HGS: variants seen among roughly 807,000 people sequenced by gnomAD.
The protein encoded by HGS is human growth factor-regulated tyrosine kinase substrate.
HGS carries 63 observed loss-of-function variants against 109.7 expected under a neutral mutation model. That is an observed-to-expected ratio of 0.57 (90% confidence interval 0.47 to 0.71). HGS has a LOEUF of 0.71. HGS is among the 30% of genes least tolerant of loss of function. HGS has a pLI of 0.00. For synonymous variants in HGS, 546 were observed against 437.3 expected, an observed-to-expected ratio of 1.25 and a Z score of -3.10; for missense variants, 995 against 1,068.3, an observed-to-expected ratio of 0.93 and a Z score of 0.96.
chr17:81,701,177 C>G (rs2037231827), intron 21 of HGS, 46 bp downstream of exon 21: 2 of 1,535,254 alleles, frequency 1.3e-6, no homozygotes, highest in East Asian at 4.5e-5. Context: ...AGGGCACCCT[C>G]AGGCTTCACG....
intron 5 of HGS, 92 bp from the exon 6 acceptor site, chr17:81,690,090 C>A: frequency 7.2e-7 from 1 of 1,396,834 alleles, no homozygotes; most frequent in Non-Finnish European, 1.0e-6. Flanking sequence ...ACGGTCACTG[C>A]TGCGTTGCAG....
Position 81,685,615 on chromosome 17 carries a change from C to T in HGS, c.48C>T (p.Thr16=). 1.2e-6 allele frequency: 2 copies of T among 1,609,318 alleles called. No homozygotes were observed. The highest frequency in any genetic ancestry group is 8.5e-7 in the Non-Finnish European group (1 of 1,177,858). Residue 16 remains threonine, a synonymous_variant, in exon 2 of 22, where the codon ACC becomes ACT. Transcript: ENST00000329138. ...CATTTTCTCTCTCAGACAAGGCGAC[C>T]AGCCAGCTCCTGTTGGAGACAGATT... ...GTFERLLDKA[T]SQLLLETDWE... is the part of the protein sequence containing the mutation.
chr17:81,685,396 G>A lies in HGS; in HGVS notation c.38-209G>A, dbSNP rs372101083. 1.6e-3 allele frequency among the ~76,000 whole-genome samples: 246 copies of A among 152,314 alleles called. 1 individual carries two copies. Among genetic ancestry groups the A allele is most frequent in the African/African-American group, 5.7e-3 (235 of 41,572 alleles). On this transcript the variant is annotated intron_variant, in intron 1 of 21. Coordinates refer to ENST00000329138, the MANE Select transcript of HGS (RefSeq NM_004712.5). ...GTGGGAGGGCTTGGACCAGCACCTG[G>A]TGTGCTCTTACGCTGTTTGCTGCTT...
At chr17:81,695,628 G>A (rs932279114) in intron 14 of HGS, 158 bp from the exon 15 acceptor site, 11 of 678,284 alleles carry the variant, frequency 1.6e-5, no homozygotes, top group Middle Eastern at 4.0e-4. Context: ...CCGCCTCCAG[G>A]GCCTCGCCTT....
Position 81,690,680 on chromosome 17 carries a change from G to A in HGS, c.475G>A (p.Asp159Asn). The change falls in exon 7 of 22, where the codon GAC becomes AAC. Residue 159 changes from aspartate to asparagine, a missense_variant. This residue lies in a region of HGS where 182 missense variants were observed against 261.3 expected (regional missense o/e 0.70). Coordinates refer to ENST00000329138, the MANE Select transcript of HGS (RefSeq NM_004712.5). ...GACTGCTGCCCCTCCTCAGGCCCCAGACTGGGTGGACGCTGAGGAATGCCA... is the reference window on the plus strand; with the variant it reads ...GACTGCTGCCCCTCCTCAGGCCCCAAACTGGGTGGACGCTGAGGAATGCCA... ...DAMFAAERAP[D>N]WVDAEECHRC... is the part of the protein sequence containing the mutation. 6.2e-7 allele frequency: 1 copy of A among 1,612,858 alleles called. No homozygotes were observed. The highest frequency in any genetic ancestry group is 8.5e-7 in the Non-Finnish European group (1 of 1,179,682).
At position 81,690,659 on chromosome 17, in the gene HGS, G is replaced by A. The variant is rs1441668870; in HGVS notation, c.469-15G>A. The A allele has an allele frequency of 6.2e-7, 1 of 1,609,776 alleles. No homozygotes were observed. The highest frequency in any genetic ancestry group is 1.3e-5 in the African/African-American group (1 of 74,978). Reference sequence around the variant, plus strand: ...GGGCGGGAAGCGTGTGGTCCTGACTGCTGCCCCTCCTCAGGCCCCAGACTG... The same window carrying A: ...GGGCGGGAAGCGTGTGGTCCTGACTACTGCCCCTCCTCAGGCCCCAGACTG... On this transcript the variant is annotated splice_polypyrimidine_tract_variant and intron_variant, in intron 6 of 21. Coordinates refer to ENST00000329138, the MANE Select transcript of HGS (RefSeq NM_004712.5).
At chr17:81,689,929 G>A (rs888328734) in intron 5 of HGS, among the ~76,000 whole-genome samples, 2 of 152,220 alleles carry the variant, frequency 1.3e-5, no homozygotes, top group South Asian at 4.1e-4. Flanking sequence ...GGGGCCTCAT[G>A]CCCTGATGGA....
chr17:81,700,935 CA>C, intron 20 of HGS, 109 bp from the exon 21 acceptor site: 1 of 1,522,908 alleles, frequency 6.6e-7, no homozygotes, highest in African/African-American at 1.4e-5. Context: ...CCTCCCCCTC[CA>C]CTCTCTGGGT....
chr17:81,693,543 C>A lies in HGS; in HGVS notation c.703C>A (p.Pro235Thr), dbSNP rs781240810. The A allele has an allele frequency of 1.2e-6, 2 of 1,613,236 alleles. No individual in the cohort carries two copies. The highest frequency in any genetic ancestry group is 3.3e-5 in the Admixed American group (2 of 59,966). The change falls in exon 9 of 22, where the codon CCC (proline) becomes ACC (threonine). Residue 235 changes from proline (P) to threonine (T), a missense_variant. By Grantham distance (38) the Pro-to-Thr change is conservative (BLOSUM62 -1). Transcript: ENST00000329138. ...GKATSTTELP[P>T]EYLTSPLSQQ... ...GGCCACTTCCACCACTGAGCTGCCC[C>A]CCGAGTACCTGACCAGCCCCCTGTC...
At chr17:81,697,306 A>C in intron 18 of HGS, 1 of 213,788 alleles carries the variant, frequency 4.7e-6, no homozygotes. Flanking sequence ...GGACTGTCCC[A>C]GTGGTGTCCT....
intron 8 of HGS, chr17:81,692,479 T>C (rs1383141475): frequency 1.3e-5 from 2 of 152,284 alleles, no homozygotes; most frequent in Non-Finnish European, 2.9e-5. Context: ...GAAAGTTCCT[T>C]TTCCTTCTTG....
chr17:81,692,362 G>A (rs551300564), intron 8 of HGS: 2 of 152,308 alleles, frequency 1.3e-5, no homozygotes, highest in Admixed American at 1.3e-4. Context: ...CCCTGTTCAG[G>A]TCTGAGGCTC....
rs889300204 is a variant in HGS, at chr17:81,702,055, G to C, written c.*437G>C. On this transcript the variant is annotated 3_prime_UTR_variant, in exon 22 of 22. Transcript: ENST00000329138. ...GAGGCTTCAGGTCTCCAGCTTCTCT[G>C]CTTCTCAGCTGCCATCTCCAGTGCC... 1 of 165,760 alleles carries C rather than the reference G, an allele frequency of 6.0e-6. No homozygotes were observed. Among genetic ancestry groups the C allele is most frequent in the East Asian group, 1.7e-4 (1 of 5,750 alleles). The allele number at this position is 165,760 out of a possible 1,614,324, so 10.3% of individuals were successfully genotyped here.
At chr17:81,699,903 GTC>G (rs1568219710) in intron 18 of HGS, among the ~76,000 whole-genome samples, 1 of 149,162 alleles carries the variant, frequency 6.7e-6, no homozygotes, top group African/African-American at 2.5e-5. Context: ...GGTGAAACCC[GTC>G]TCTCCTAAAA....
At chr17:81,688,188 C>T (rs1164952623) in intron 4 of HGS, among the ~76,000 whole-genome samples, 3 of 151,564 alleles carry the variant, frequency 2.0e-5, no homozygotes, top group East Asian at 1.9e-4. Flanking sequence ...GCCGTAGACG[C>T]GAGGCCAGGC....
At position 81,696,836 on chromosome 17, in the gene HGS, C is replaced by G. The variant is rs2037158542; in HGVS notation, c.1720C>G (p.Pro574Ala). The G allele has an allele frequency of 6.2e-7, 1 of 1,609,556 alleles. No homozygotes were observed. Among genetic ancestry groups the G allele is most frequent in the Admixed American group, 1.7e-5 (1 of 59,854 alleles). ...CTTTTGTCCCCAGCTCCAGGCCATG[C>G]CCGCAGCCGGAGGTGTGCTCTACCA... is the stretch of plus-strand genomic sequence containing the variant. ...PLPYAQLQAM[P>A]AAGGVLYQPS... Residue 574 changes from proline to alanine, a missense_variant, in exon 18 of 22, where the codon CCC (proline) becomes GCC (alanine). Coordinates refer to ENST00000329138, the MANE Select transcript of HGS (RefSeq NM_004712.5).
chr17:81,688,501 AAGT>A (rs1365502696), intron 4 of HGS, among the ~76,000 whole-genome samples, 200 bp from the exon 5 acceptor site: 1 of 152,196 alleles, frequency 6.6e-6, no homozygotes, highest in Non-Finnish European at 1.5e-5. Flanking sequence ...TGGCTCCAGC[AAGT>A]AGAGGCAGGC....
chr17:81,693,753 G>T lies in HGS; in HGVS notation c.840+1G>T. The T allele has an allele frequency of 1.3e-6, 2 of 1,546,612 alleles. No individual in the cohort carries two copies. The highest frequency in any genetic ancestry group is 2.4e-5 in the East Asian group (1 of 41,966). On this transcript the variant is annotated splice_donor_variant, in intron 10 of 21. Transcript: ENST00000329138. LOFTEE classifies it high-confidence loss of function. ...AGAGGCGGAGGAGAAGGAGAGGCTG[G>T]TAAGCCGGGTGGGGCGGGGCGGCCT...
At chr17:81,700,850 TG>T in intron 20 of HGS, 36 bp downstream of exon 20, 2 of 1,594,294 alleles carry the variant, frequency 1.3e-6, no homozygotes, top group Non-Finnish European at 8.6e-7. Flanking sequence ...GGGGCCAGGG[TG>T]GGGGAGCAGT....
Sources: gnomAD v4.1 joint callset for allele counts (sites outside exome capture counted in the v4.1 genomes callset) on GRCh38, gnomAD v4.1.1 for gene constraint, gnomAD v4.1.1 regional missense constraint, MANE v1.5 for transcripts, NCBI Gene and HGNC (gene_info 2026-07-23, HGNC 2026-07-21) for gene names.